UTP18: variants seen among roughly 807,000 people sequenced by gnomAD.
UTP18 encodes the protein U3 small nucleolar RNA-associated protein 18 homolog.
A neutral mutation model predicts 61.1 loss-of-function variants in UTP18; 36 were observed. The observed-to-expected ratio is 0.59, with a 90% CI of 0.45 to 0.78. The LOEUF (loss-of-function observed/expected upper bound fraction) is 0.78. UTP18 is among the 30% of genes least tolerant of loss of function. UTP18 has a pLI of 0.00. For synonymous variants in UTP18, 282 were observed against 251.1 expected, an observed-to-expected ratio of 1.12 and a Z score of -1.16; for missense variants, 753 against 693.9, an observed-to-expected ratio of 1.09 and a Z score of -0.96.
rs149233502 is a variant in UTP18 at position 51,295,493 on chromosome 17, A to G, written c.1646+1448A>G. Among the ~76,000 whole-genome samples, 707 of 152,280 alleles carry G rather than the reference A, an allele frequency of 4.6e-3. 3 individuals are homozygous for G. Among genetic ancestry groups the G allele is most frequent in the Non-Finnish European group, 7.3e-3 (498 of 68,028 alleles). On this transcript the variant is annotated intron_variant, in intron 12 of 13. Coordinates refer to ENST00000225298, the MANE Select transcript of UTP18 (RefSeq NM_016001.3). ...ATTTTTTGTTTTTGTCAGGTTTGTC[A>G]AAGATCAGATGGTTGTAGATATGCA... is the stretch of plus-strand genomic sequence containing the variant.
At chr17:51,271,527 T>G (rs983672619) in intron 4 of UTP18, among the ~76,000 whole-genome samples, 3 of 152,136 alleles carry the variant, frequency 2.0e-5, no homozygotes, top group Non-Finnish European at 4.4e-5. Context: ...TTGCCCACAT[T>G]GGTATTCAGT....
intron 10 of UTP18, 53 bp downstream of exon 10, chr17:51,285,421 T>G: frequency 1.9e-6 from 3 of 1,585,740 alleles, no homozygotes; most frequent in Non-Finnish European, 2.6e-6. Flanking sequence ...AATGAGAATA[T>G]GTTGAGGAAT....
At chr17:51,280,203 C>A in intron 8 of UTP18, 98 bp downstream of exon 8, 1 of 1,360,884 alleles carries the variant, frequency 7.3e-7, no homozygotes, top group East Asian at 2.5e-5. Flanking sequence ...TCTGCATCTC[C>A]AAGTAGAGGA....
At chr17:51,277,403 A>G in intron 7 of UTP18, 99 bp downstream of exon 7, 1 of 1,330,712 alleles carries the variant, frequency 7.5e-7, no homozygotes, top group Non-Finnish European at 1.0e-6. Flanking sequence ...GGATTCTTAA[A>G]AATAAGAGTT....
chr17:51,266,201 C>T lies in UTP18; in HGVS notation c.475C>T (p.Arg159Trp), dbSNP rs576648866. ...DEEMVDMMNN[R>W]FRKDMMKNAS... ...TTGTAGGGTTGACATGATGAACAAT[C>T]GGTTTCGGAAGGATATGATGAAAAA... The change falls in exon 3 of 14, where the codon CGG (arginine) becomes TGG (tryptophan). Residue 159 changes from arginine (R) to tryptophan (W), a missense_variant. Transcript: ENST00000225298. The T allele has an allele frequency of 1.0e-5, 16 of 1,593,554 alleles. No homozygotes were observed. In the South Asian group the frequency reaches 1.3e-4, roughly 13 times the overall value.
At chr17:51,290,106 T>A (rs1179580299) in intron 11 of UTP18, among the ~76,000 whole-genome samples, 1 of 152,126 alleles carries the variant, frequency 6.6e-6, no homozygotes, top group Admixed American at 6.6e-5. Context: ...GGATTCTGCA[T>A]ATGATTTCCT....
chr17:51,292,501 G>A (rs59041584), intron 11 of UTP18, among the ~76,000 whole-genome samples: 1 of 152,252 alleles, frequency 6.6e-6, no homozygotes, highest in Non-Finnish European at 1.5e-5. Flanking sequence ...ACTGAAACCA[G>A]TTTAATAGGT....
chr17:51,284,790 G>A (rs1905050947), intron 9 of UTP18, among the ~76,000 whole-genome samples: 1 of 152,116 alleles, frequency 6.6e-6, no homozygotes, highest in African/African-American at 2.4e-5. Context: ...GCCGGGCATG[G>A]TGGCTCACAC....
chr17:51,264,556 GGT>G (rs2055540330), intron 2 of UTP18, among the ~76,000 whole-genome samples: 1 of 151,618 alleles, frequency 6.6e-6, no homozygotes, highest in Non-Finnish European at 1.5e-5. Flanking sequence ...CCCATTGAAA[GGT>G]GTCAGTTTCA....
intron 2 of UTP18, among the ~76,000 whole-genome samples, chr17:51,265,562 CTTTTTT>C (rs10695281): frequency 1.2e-5 from 1 of 85,566 alleles, no homozygotes; most frequent in Non-Finnish European, 2.1e-5. Flanking sequence ...CGTGCCCGGC[CTTTTTT>C]TTTTTTTTTT....
chr17:51,288,854 T>G (rs1229121163), intron 11 of UTP18, among the ~76,000 whole-genome samples: 5 of 152,222 alleles, frequency 3.3e-5, no homozygotes, highest in Non-Finnish European at 7.3e-5. Flanking sequence ...AAGAGTCCTC[T>G]TCTAGTAGAG....
At position 51,288,283 on chromosome 17, in the gene UTP18, G is replaced by A. The variant is rs534011573; in HGVS notation, c.1503+80G>A. ...CATGCAAGAGTAACAGGAAAGGAGA[G>A]CGTTGAATTATTTTTAAAACAGTGG... On this transcript the variant is annotated intron_variant, in intron 11 of 13. Transcript: ENST00000225298. 1.4e-4 allele frequency: 183 copies of A among 1,334,524 alleles called. 1 individual carries two copies. In the African/African-American group the frequency reaches 2.3e-3, roughly 17 times the overall value. The allele number at this position is 1,334,524 out of a possible 1,614,324, so 82.7% of individuals were successfully genotyped here. A position where few individuals can be genotyped will look rare whatever the true frequency, so the allele number is the denominator to read the frequency against.
chr17:51,264,822 A>G lies in UTP18; in HGVS notation c.456-1360A>G, dbSNP rs1335782066. Among the ~76,000 whole-genome samples, 6 of 151,806 alleles carry G rather than the reference A, an allele frequency of 4.0e-5. No homozygotes were observed. The East Asian group carries it at 5.8e-4, about 15-fold the overall frequency. ...TTCAGCCTCCCAAGTAGCTGGGACTACAGGCACATGTCACCATGCCCAGCT... is the reference window on the plus strand; with the variant it reads ...TTCAGCCTCCCAAGTAGCTGGGACTGCAGGCACATGTCACCATGCCCAGCT... On this transcript the variant is annotated intron_variant, in intron 2 of 13. Transcript: ENST00000225298.
intron 2 of UTP18, among the ~76,000 whole-genome samples, chr17:51,265,056 C>T (rs2144393000): frequency 6.6e-6 from 1 of 152,122 alleles, no homozygotes; most frequent in African/African-American, 2.4e-5. Flanking sequence ...TATATTAGTT[C>T]CTGACATATT....
At chr17:51,263,187 CTA>C in intron 1 of UTP18, 85 bp from the exon 2 acceptor site, 1 of 1,056,186 alleles carries the variant, frequency 9.5e-7, no homozygotes, top group Non-Finnish European at 1.4e-6. Context: ...AAAAAACATT[CTA>C]TGAGCCATTT....
At chr17:51,268,697 G>T in intron 3 of UTP18, 140 bp from the exon 4 acceptor site, 1 of 676,302 alleles carries the variant, frequency 1.5e-6, no homozygotes, top group Non-Finnish European at 2.5e-6. Context: ...AATAACTTCT[G>T]TTCTTAAAGA....
intron 9 of UTP18, 57 bp from the exon 10 acceptor site, chr17:51,285,188 C>T (rs974153412): frequency 6.2e-7 from 1 of 1,602,246 alleles, no homozygotes; most frequent in South Asian, 1.1e-5. Flanking sequence ...GGCCAGTTTA[C>T]TTGCCTTTCA....
At chr17:51,279,563 T>G (rs552698151) in intron 7 of UTP18, among the ~76,000 whole-genome samples, 14 of 152,270 alleles carry the variant, frequency 9.2e-5, no homozygotes, top group African/African-American at 3.4e-4. Flanking sequence ...ATGAGCTGCT[T>G]AGTAAGTGGC....
At chr17:51,262,987 T>A (rs975287173) in intron 1 of UTP18, among the ~76,000 whole-genome samples, 1 of 152,252 alleles carries the variant, frequency 6.6e-6, no homozygotes, top group Non-Finnish European at 1.5e-5. Context: ...ATCTGCAGAC[T>A]CATCTTTTGT....
Sources: gnomAD v4.1 joint callset for allele counts (sites outside exome capture counted in the v4.1 genomes callset) on GRCh38, gnomAD v4.1.1 for gene constraint, MANE v1.5 for transcripts, NCBI Gene and HGNC (gene_info 2026-07-23, HGNC 2026-07-21) for gene names.